Variants in PHB1 observed in about 807,000 individuals in gnomAD.
PHB1 encodes epididymis luminal protein 215.
chr17:49,405,053 C>T, the PHB1 span: 22 of 1,588,066 alleles, frequency 1.4e-5, no homozygotes, highest in South Asian at 6.9e-5. Flanking sequence ...GTTCCGAGAG[C>T]GTGAGAGCTG....
the PHB1 span, among the ~76,000 whole-genome samples, chr17:49,409,694 G>A: frequency 6.6e-6 from 1 of 151,668 alleles, no homozygotes; most frequent in East Asian, 1.9e-4. Context: ...GGCACGCGCC[G>A]CCACACCCAG....
chr17:49,411,730 G>T, the PHB1 span: 1 of 1,614,152 alleles, frequency 6.2e-7, no homozygotes, highest in South Asian at 1.1e-5. Context: ...GGCAGTCAAA[G>T]ATAATTGGTT....
At chr17:49,408,569 C>T in the PHB1 span, among the ~76,000 whole-genome samples, 3 of 152,184 alleles carry the variant, frequency 2.0e-5, no homozygotes, top group African/African-American at 7.2e-5. Context: ...TCCAACCGTT[C>T]GTTTACACTC....
chr17:49,406,887 G>A, the PHB1 span: 19 of 1,483,190 alleles, frequency 1.3e-5, no homozygotes, highest in South Asian at 2.2e-4. Flanking sequence ...AGATGAGGCA[G>A]TGTGATTGCT....
At chr17:49,405,989 A>G in the PHB1 span, among the ~76,000 whole-genome samples, 1 of 152,214 alleles carries the variant, frequency 6.6e-6, no homozygotes, top group African/African-American at 2.4e-5. Flanking sequence ...AGAAGACAGT[A>G]TTAAGCCTCC....
chr17:49,406,635 C>T, the PHB1 span: 29 of 734,484 alleles, frequency 3.9e-5, no homozygotes, highest in African/African-American at 4.7e-4. Flanking sequence ...TCCTTCAAGC[C>T]CCTTCTGATT....
At chr17:49,406,613 C>G in the PHB1 span, 1 of 675,696 alleles carries the variant, frequency 1.5e-6, no homozygotes, top group Non-Finnish European at 2.7e-6. Flanking sequence ...GAACCAATTG[C>G]AGAAGTACAA....
At chr17:49,413,881 T>C in the PHB1 span, among the ~76,000 whole-genome samples, 6 of 152,174 alleles carry the variant, frequency 3.9e-5, no homozygotes, top group Non-Finnish European at 5.9e-5. Flanking sequence ...AAACAATGCA[T>C]GGGCTTGAAA....
chr17:49,412,320 G>C, the PHB1 span: 9 of 161,512 alleles, frequency 5.6e-5, no homozygotes, highest in Non-Finnish European at 9.6e-5. Flanking sequence ...AAAGTTTTAA[G>C]GGGTTATAGA....
the PHB1 span, chr17:49,404,940 T>G: frequency 2.5e-6 from 3 of 1,209,236 alleles, no homozygotes; most frequent in South Asian, 3.9e-5. Flanking sequence ...GTGTTAAGAA[T>G]CATCGGGGCT....
chr17:49,414,287 G>C, the PHB1 span: 1 of 152,074 alleles, frequency 6.6e-6, no homozygotes, highest in Non-Finnish European at 1.5e-5. Flanking sequence ...AGAACGACAT[G>C]CTTCTTATGG....
the PHB1 span, among the ~76,000 whole-genome samples, chr17:49,413,510 TC>T: frequency 0.096 from 14,106 of 146,576 alleles, 1,023 homozygotes; most frequent in African/African-American, 0.15. Context: ...TTCTTTTCTT[TC>T]CTTTTTTTTT....
chr17:49,405,065 T>C, the PHB1 span: 1 of 1,599,656 alleles, frequency 6.3e-7, no homozygotes, highest in Non-Finnish European at 8.5e-7. Flanking sequence ...TGAGAGCTGG[T>C]ACGCGATGTC....
At chr17:49,412,501 A>C in the PHB1 span, among the ~76,000 whole-genome samples, 444 of 152,324 alleles carry the variant, frequency 2.9e-3, 1 homozygote, top group Non-Finnish European at 4.2e-3. Context: ...CTGAAAGTAA[A>C]GCTCCTCTTG....
the PHB1 span, chr17:49,406,784 T>C: frequency 6.2e-7 from 1 of 1,613,896 alleles, no homozygotes; most frequent in Non-Finnish European, 8.5e-7. Context: ...TCTGGCCCTC[T>C]CTGCTTCCTG....
chr17:49,409,499 G>A, the PHB1 span: 1 of 1,092,634 alleles, frequency 9.2e-7, no homozygotes, highest in Admixed American at 1.9e-5. Flanking sequence ...AAACACTGGA[G>A]TTAAAAATAA....
At chr17:49,405,015 C>G in the PHB1 span, 7 of 1,556,706 alleles carry the variant, frequency 4.5e-6, no homozygotes, top group African/African-American at 1.4e-5. Context: ...TGGAGGAGCA[C>G]GGACTGCCCC....
At chr17:49,406,611 T>G in the PHB1 span, 1 of 672,020 alleles carries the variant, frequency 1.5e-6, no homozygotes, top group Admixed American at 2.1e-5. Flanking sequence ...TGGAACCAAT[T>G]GCAGAAGTAC....
chr17:49,409,543 G>GTTT, the PHB1 span: 5,270 of 836,762 alleles, frequency 6.3e-3, 134 homozygotes, highest in African/African-American at 0.07. Flanking sequence ...TTTTTTTTTT[G>GTTT]TTTTTTTTTT....
Sources: gnomAD v4.1 joint callset for allele counts (sites outside exome capture counted in the v4.1 genomes callset) on GRCh38, gnomAD v4.1.1 for gene constraint, MANE v1.5 for transcripts, NCBI Gene and HGNC (gene_info 2026-07-23, HGNC 2026-07-21) for gene names.